GRM1: variants seen among roughly 807,000 people sequenced by gnomAD.
GRM1 encodes metabotropic glutamate receptor 1.
In GRM1, 33 loss-of-function variants were observed where a neutral mutation model predicts 90.9. The observed-to-expected ratio is 0.36, with a 90% CI of 0.28 to 0.49. The LOEUF is 0.49. Ranked by LOEUF, GRM1 falls within the 20% of genes least tolerant of loss-of-function variation. The probability of loss-of-function intolerance (pLI) is 0.99; values close to 1 mark genes in which losing one functional copy is unlikely to be tolerated. For missense variants in GRM1, 1,190 were observed against 1,534.3 expected (o/e 0.78, Z 3.75); for synonymous variants, 700 against 613.2 (o/e 1.14, Z -2.09).
At chr6:146,112,564 C>G (rs958909239) in intron 1 of GRM1, among the ~76,000 whole-genome samples, 5 of 152,158 alleles carry the variant, frequency 3.3e-5, no homozygotes, top group African/African-American at 1.2e-4. Flanking sequence ...ACCCCTCTAT[C>G]TGGGCTCCCT....
intron 1 of GRM1, among the ~76,000 whole-genome samples, chr6:146,104,765 A>G (rs913029536): frequency 5.3e-5 from 8 of 152,238 alleles, no homozygotes; most frequent in African/African-American, 1.7e-4. Flanking sequence ...ATGCAACACC[A>G]TACTGTAAAA....
chr6:146,047,983 C>T (rs368719775), intron 1 of GRM1, among the ~76,000 whole-genome samples: 50 of 152,110 alleles, frequency 3.3e-4, no homozygotes, highest in African/African-American at 1.1e-3. Flanking sequence ...TCCTTAATAG[C>T]ATGCATGGGT....
chr6:146,434,782 T>C lies in GRM1; in HGVS notation c.3571T>C (p.Ser1191Pro). The change falls in exon 8 of 8, where the codon TCT becomes CCT. Residue 1191 changes from serine (S) to proline (P), a missense_variant. Ser to Pro is a moderately conservative substitution (Grantham distance 74). This residue lies in a region of GRM1 where 48 missense variants were observed against 48.5 expected (regional missense o/e 0.99). Coordinates refer to ENST00000282753, the MANE Select transcript of GRM1 (RefSeq NM_001278064.2). ...CATTCTGCGGGACTACAAGCAAAGC[T>C]CTTCCACCCTGTAAGGGGGAAGGGT... The part of the protein sequence containing the change: ...SVILRDYKQS[S>P]STL 1.3e-6 allele frequency: 2 copies of C among 1,598,808 alleles called. No homozygotes were observed. Among genetic ancestry groups the C allele is most frequent in the South Asian group, 2.2e-5 (2 of 91,078 alleles).
chr6:146,357,484 A>G lies in GRM1; in HGVS notation c.1434-42A>G, dbSNP rs767985221. The stretch of plus-strand genomic sequence containing the variant: ...ACCAACTTTCTTTGTTTTCTACATT[A>G]TGTCTATATTCTATAAGACATGCAC... On this transcript the variant is annotated intron_variant, in intron 4 of 7. Transcript: ENST00000282753. The G allele has an allele frequency of 3.3e-6, 5 of 1,509,322 alleles. No individual in the cohort carries two copies. In the South Asian group the frequency reaches 4.5e-5, roughly 14 times the overall value. 93.5% of individuals were successfully genotyped at this position (1,509,322 alleles called of 1,614,324 possible).
chr6:146,231,777 A>G (rs1319840494), intron 2 of GRM1, among the ~76,000 whole-genome samples: 1 of 152,018 alleles, frequency 6.6e-6, no homozygotes, highest in African/African-American at 2.4e-5. Context: ...TTTAACCATG[A>G]TATATTATTA....
chr6:146,261,995 A>T (rs147414473), intron 2 of GRM1, among the ~76,000 whole-genome samples: 53 of 151,920 alleles, frequency 3.5e-4, no homozygotes, highest in African/African-American at 1.2e-3. Flanking sequence ...CCATGTTTCA[A>T]GTGAAATGAA....
At chr6:146,256,913 G>C (rs535724510) in intron 2 of GRM1, among the ~76,000 whole-genome samples, 1 of 152,068 alleles carries the variant, frequency 6.6e-6, no homozygotes, top group Non-Finnish European at 1.5e-5. Flanking sequence ...CTACTGCAAC[G>C]TCTAATTTCC....
intron 5 of GRM1, among the ~76,000 whole-genome samples, chr6:146,382,747 A>G (rs574203526): frequency 4.3e-4 from 65 of 152,232 alleles, no homozygotes; most frequent in South Asian, 1.9e-3. Flanking sequence ...AAGTTCTTTG[A>G]GTGACCTAAT....
At chr6:146,279,207 A>G (rs1782481201) in intron 2 of GRM1, among the ~76,000 whole-genome samples, 1 of 152,210 alleles carries the variant, frequency 6.6e-6, no homozygotes. Flanking sequence ...TTTTTAATTC[A>G]TTGCTATTAT....
At chr6:146,279,082 T>C (rs1305555921) in intron 2 of GRM1, among the ~76,000 whole-genome samples, 1 of 152,198 alleles carries the variant, frequency 6.6e-6, no homozygotes, top group South Asian at 2.1e-4. Context: ...CTGAGTCCAT[T>C]TTTCTATTGT....
At chr6:146,246,042 T>C (rs1390610131) in intron 2 of GRM1, among the ~76,000 whole-genome samples, 1 of 152,220 alleles carries the variant, frequency 6.6e-6, no homozygotes, top group Non-Finnish European at 1.5e-5. Flanking sequence ...AAATGATGCT[T>C]ATAAATTTTA....
intron 3 of GRM1, among the ~76,000 whole-genome samples, chr6:146,330,950 AAT>A (rs1172773382): frequency 2.0e-4 from 30 of 152,228 alleles, no homozygotes; most frequent in African/African-American, 7.0e-4. Context: ...AACAGGAACT[AAT>A]CATATATAAC....
chr6:146,260,414 G>A (rs1275007949), intron 2 of GRM1, among the ~76,000 whole-genome samples: 1 of 152,078 alleles, frequency 6.6e-6, no homozygotes, highest in Non-Finnish European at 1.5e-5. Context: ...ATGGGCATTT[G>A]GGTTGGTTCC....
chr6:146,182,885 T>A (rs2114552174), intron 2 of GRM1, among the ~76,000 whole-genome samples: 1 of 152,282 alleles, frequency 6.6e-6, no homozygotes, highest in East Asian at 1.9e-4. Flanking sequence ...GTAACAGAAA[T>A]ACCTGCTTTG....
At chr6:146,186,007 G>A (rs112517749) in intron 2 of GRM1, among the ~76,000 whole-genome samples, 8,059 of 150,660 alleles carry the variant, frequency 0.053, 709 homozygotes, top group African/African-American at 0.18. Flanking sequence ...GAAGTGCAGT[G>A]GTGTGATCCT....
intron 2 of GRM1, among the ~76,000 whole-genome samples, chr6:146,303,550 A>ACAG (rs1320139971): frequency 6.6e-6 from 1 of 152,190 alleles, no homozygotes; most frequent in Non-Finnish European, 1.5e-5. Context: ...CAAGGACCTG[A>ACAG]CAGCCATCCC....
At chr6:146,111,441 C>T (rs1345742262) in intron 1 of GRM1, among the ~76,000 whole-genome samples, 1 of 152,130 alleles carries the variant, frequency 6.6e-6, no homozygotes, top group African/African-American at 2.4e-5. Context: ...GCAAGTAAAA[C>T]AGATTGTCAA....
chr6:146,394,723 T>C (rs961329059), intron 6 of GRM1, among the ~76,000 whole-genome samples: 2 of 152,132 alleles, frequency 1.3e-5, no homozygotes, highest in African/African-American at 4.8e-5. Context: ...TGTAATTGTA[T>C]TTTAGCCATT....
chr6:146,204,036 A>G (rs1779411930), intron 2 of GRM1, among the ~76,000 whole-genome samples: 1 of 152,212 alleles, frequency 6.6e-6, no homozygotes, highest in African/African-American at 2.4e-5. Flanking sequence ...TTTGAATATA[A>G]TGTTCTTATT....
Sources: gnomAD v4.1 joint callset for allele counts (sites outside exome capture counted in the v4.1 genomes callset) on GRCh38, gnomAD v4.1.1 for gene constraint, gnomAD v4.1.1 regional missense constraint, MANE v1.5 for transcripts, NCBI Gene and HGNC (gene_info 2026-07-23, HGNC 2026-07-21) for gene names.